Variants in SPATA33 observed in about 807,000 individuals in gnomAD.
The protein encoded by SPATA33 is spermatogenesis associated 33, also known as spermatogenesis-associated protein 33.
A neutral mutation model predicts 8.9 loss-of-function variants in SPATA33; 10 were observed. The ratio of observed to expected loss-of-function variants is 1.12; its 90% CI spans 0.69 to 1.90. SPATA33 has a LOEUF of 1.90. Ranked by LOEUF, SPATA33 falls within the 40% of genes most tolerant of loss-of-function variation. The pLI, the probability that SPATA33 is intolerant of heterozygous loss-of-function variation, is 0.00. For missense variants in SPATA33, 241 were observed against 178.3 expected, an observed-to-expected ratio of 1.35 and a Z score of -2.00; for synonymous variants, 96 against 72.8, an observed-to-expected ratio of 1.32 and a Z score of -1.63.
chr16:89,659,276 A>C (rs1167972956), intron 2 of SPATA33: 1 of 152,310 alleles, frequency 6.6e-6, no homozygotes, highest in African/African-American at 2.4e-5. Flanking sequence ...AAGGCCTTGC[A>C]GTAGGAATTG....
At chr16:89,663,460 G>A (rs145879811) in intron 2 of SPATA33, among the ~76,000 whole-genome samples, 1 of 152,104 alleles carries the variant, frequency 6.6e-6, no homozygotes, top group Non-Finnish European at 1.5e-5. Flanking sequence ...TGATCCGCTT[G>A]CCTCAAACTC....
At chr16:89,662,483 C>A (rs531072434) in intron 2 of SPATA33, among the ~76,000 whole-genome samples, 2 of 150,814 alleles carry the variant, frequency 1.3e-5, no homozygotes, top group African/African-American at 4.9e-5. Flanking sequence ...ATGGCATGAT[C>A]TCGGGTCTCA....
At chr16:89,663,524 C>T (rs971653632) in intron 2 of SPATA33, among the ~76,000 whole-genome samples, 8 of 151,968 alleles carry the variant, frequency 5.3e-5, no homozygotes, top group Non-Finnish European at 1.5e-5. Flanking sequence ...GGATTACAGG[C>T]GTGAGCCACC....
At chr16:89,663,642 G>C (rs1230970866) in intron 2 of SPATA33, among the ~76,000 whole-genome samples, 1 of 152,122 alleles carries the variant, frequency 6.6e-6, no homozygotes, top group East Asian at 1.9e-4. Flanking sequence ...TAGGGAGTGA[G>C]GGGGTCTGTG....
chr16:89,657,941 C>G lies in SPATA33; in HGVS notation c.30C>G (p.Pro10=). The G allele has an allele frequency of 6.6e-7, 1 of 1,517,212 alleles. No individual in the cohort carries two copies. The highest frequency in any genetic ancestry group is 8.8e-7 in the Non-Finnish European group (1 of 1,139,728). The allele number at this position is 1,517,212 out of a possible 1,614,324, so 94.0% of individuals were successfully genotyped here. The change falls in exon 1 of 3, where the codon CCC becomes CCG. Residue 10 remains proline, a synonymous_variant. Coordinates refer to ENST00000579310, the MANE Select transcript of SPATA33 (RefSeq NM_001271907.2). ...GCCTTTCCAAAAGCAAAGAGAAACC[C>G]AGGAAAGGTAAAGGAGGCGCAGGCG... MGLSKSKEK[P]RKGEEQKKGS...
Position 89,669,734 on chromosome 16 carries a change from T to G in SPATA33, c.*237T>G. On this transcript the variant is annotated 3_prime_UTR_variant, in exon 3 of 3. Transcript: ENST00000579310. ...CCTTCTCCAGTGCTCTCAGGGAGGGTGCACCAGGCCTGCCCCCGCCGTGAG... is the reference window on the plus strand; with the variant it reads ...CCTTCTCCAGTGCTCTCAGGGAGGGGGCACCAGGCCTGCCCCCGCCGTGAG... 1 of 527,036 alleles carries G rather than the reference T, an allele frequency of 1.9e-6. No individual in the cohort carries two copies. The highest frequency in any genetic ancestry group is 3.3e-6 in the Non-Finnish European group (1 of 301,186). The allele number at this position is 527,036 out of a possible 1,614,324, so 32.6% of individuals were successfully genotyped here.
chr16:89,659,289 G>A (rs1192551831), intron 2 of SPATA33: 1 of 152,318 alleles, frequency 6.6e-6, no homozygotes, highest in Admixed American at 6.5e-5. Flanking sequence ...AGGAATTGCA[G>A]AAGGGTCAGG....
chr16:89,658,571 G>A, intron 2 of SPATA33, 150 bp downstream of exon 2: 2 of 985,116 alleles, frequency 2.0e-6, no homozygotes, highest in Non-Finnish European at 2.9e-6. Context: ...GGAACTTTAT[G>A]TAGGAGGTAA....
At chr16:89,663,863 A>G (rs2059992699) in intron 2 of SPATA33, among the ~76,000 whole-genome samples, 1 of 152,218 alleles carries the variant, frequency 6.6e-6, no homozygotes, top group Non-Finnish European at 1.5e-5. Flanking sequence ...TCACGCCTGT[A>G]ATTTCAGAAC....
intron 2 of SPATA33, among the ~76,000 whole-genome samples, chr16:89,664,950 C>T (rs939459447): frequency 6.6e-6 from 1 of 152,174 alleles, no homozygotes; most frequent in Admixed American, 6.5e-5. Context: ...ATTTGTTGTG[C>T]AGCAATAGAA....
chr16:89,662,693 C>T (rs1361581838), intron 2 of SPATA33, among the ~76,000 whole-genome samples: 1 of 152,146 alleles, frequency 6.6e-6, no homozygotes, highest in African/African-American at 2.4e-5. Flanking sequence ...TCCCAAAGTG[C>T]TGAGATCACA....
chr16:89,669,224 G>A (rs886714993), intron 2 of SPATA33, 62 bp from the exon 3 acceptor site: 40 of 1,455,666 alleles, frequency 2.7e-5, no homozygotes, highest in African/African-American at 8.4e-5. Context: ...GGCAGGAGGT[G>A]TGTGCATCGT....
chr16:89,658,027 G>A, intron 1 of SPATA33, 79 bp downstream of exon 1: 1 of 1,468,740 alleles, frequency 6.8e-7, no homozygotes, highest in Non-Finnish European at 8.9e-7. Context: ...GCTGGGCGGG[G>A]CGGTGTGAGC....
intron 2 of SPATA33, among the ~76,000 whole-genome samples, chr16:89,665,329 G>A (rs537007399): frequency 2.9e-4 from 39 of 136,440 alleles, no homozygotes; most frequent in African/African-American, 1.0e-3. Context: ...TTGAGATGGA[G>A]TCTTGCTCTG....
At chr16:89,665,941 G>A (rs2060019928) in intron 2 of SPATA33, among the ~76,000 whole-genome samples, 3 of 152,182 alleles carry the variant, frequency 2.0e-5, no homozygotes, top group South Asian at 2.1e-4. Flanking sequence ...TTAGCTAGGC[G>A]TGGTGATGGG....
At chr16:89,661,195 G>A (rs1165097118) in intron 2 of SPATA33, 5 of 985,330 alleles carry the variant, frequency 5.1e-6, no homozygotes, top group Non-Finnish European at 6.0e-6. Context: ...CACTGTGGCA[G>A]CTGTTAGGAT....
chr16:89,662,986 G>A (rs1488831532), intron 2 of SPATA33, among the ~76,000 whole-genome samples: 2 of 150,474 alleles, frequency 1.3e-5, no homozygotes, highest in African/African-American at 2.4e-5. Context: ...TAGAGACGGG[G>A]TTTCACCATG....
At chr16:89,667,176 A>G (rs993140031) in intron 2 of SPATA33, among the ~76,000 whole-genome samples, 1 of 152,146 alleles carries the variant, frequency 6.6e-6, no homozygotes, top group Non-Finnish European at 1.5e-5. Flanking sequence ...CTGCTTGGCA[A>G]CGGGCGTCCT....
At chr16:89,658,223 CT>C in intron 1 of SPATA33, 24 bp from the exon 2 acceptor site, 1 of 1,613,462 alleles carries the variant, frequency 6.2e-7, no homozygotes, top group Non-Finnish European at 8.5e-7. Flanking sequence ...AGTCCCGGGT[CT>C]AACGGATGAT....
Sources: gnomAD v4.1 joint callset for allele counts (sites outside exome capture counted in the v4.1 genomes callset) on GRCh38, gnomAD v4.1.1 for gene constraint, MANE v1.5 for transcripts, NCBI Gene and HGNC (gene_info 2026-07-23, HGNC 2026-07-21) for gene names.